Variants in ZFAND3 observed in about 807,000 individuals in gnomAD.
ZFAND3 encodes the protein zinc finger AN1-type containing 3, also known as AN1-type zinc finger protein 3.
ZFAND3 carries 10 observed loss-of-function variants against 29.6 expected under a neutral mutation model. The ratio of observed to expected loss-of-function variants is 0.34; its 90% confidence interval spans 0.21 to 0.57. ZFAND3 has a LOEUF of 0.57. Ranked by LOEUF, ZFAND3 falls within the 20% of genes least tolerant of loss-of-function variation. ZFAND3 has a pLI of 0.86. For missense variants in ZFAND3, 230 were observed against 304.5 expected (o/e 0.76, Z 1.82); for synonymous variants, 128 against 112.6 (o/e 1.14, Z -0.87).
In ZFAND3 at chr6:37,958,733, C is replaced by T. The variant is rs79287263; in HGVS notation, c.112+28734C>T. Among the ~76,000 whole-genome samples the T allele has an allele frequency of 5.3e-4, 81 of 151,936 alleles. No individual in the cohort carries two copies. In the East Asian group the frequency reaches 0.011, roughly 20 times the overall value. ...AAAACCTTGCTTGGCTTTTCAGGACCGCCCCCCCCTTCCCCACCCACCGAC... is the reference window on the plus strand; with the variant it reads ...AAAACCTTGCTTGGCTTTTCAGGACTGCCCCCCCCTTCCCCACCCACCGAC... On this transcript the variant is annotated intron_variant, in intron 2 of 5. Transcript: ENST00000287218.
chr6:37,897,157 A>C (rs1765235428), intron 1 of ZFAND3, among the ~76,000 whole-genome samples: 1 of 152,212 alleles, frequency 6.6e-6, no homozygotes, highest in Non-Finnish European at 1.5e-5. Context: ...AAGGTAAAGA[A>C]TATTTCCTTC....
At chr6:37,892,428 A>G (rs1765121872) in intron 1 of ZFAND3, among the ~76,000 whole-genome samples, 1 of 152,182 alleles carries the variant, frequency 6.6e-6, no homozygotes, top group South Asian at 2.1e-4. Flanking sequence ...AGATGCTCTT[A>G]AACATTTTTT....
intron 1 of ZFAND3, among the ~76,000 whole-genome samples, chr6:37,914,672 C>CTTTTTTTTTCTTT (rs1554157845): frequency 6.1e-5 from 7 of 114,210 alleles, no homozygotes; most frequent in East Asian, 2.4e-4. Flanking sequence ...CTTTTTTTTT[C>CTTTTTTTTTCTTT]TTTTTTTTTT....
intron 2 of ZFAND3, among the ~76,000 whole-genome samples, chr6:37,941,815 G>A (rs1279186288): frequency 1.3e-5 from 2 of 152,098 alleles, no homozygotes; most frequent in Non-Finnish European, 2.9e-5. Context: ...CATAATAATA[G>A]TATGGAAAAA....
chr6:38,014,903 A>C (rs1763227797), intron 2 of ZFAND3, among the ~76,000 whole-genome samples: 1 of 152,202 alleles, frequency 6.6e-6, no homozygotes, highest in South Asian at 2.1e-4. Context: ...TGTTTCCATT[A>C]AGATGCTTAA....
rs370275413 is a variant in ZFAND3 at position 37,857,679 on chromosome 6, T to G, written c.71+37663T>G. 7.2e-5 allele frequency among the ~76,000 whole-genome samples: 11 copies of G among 152,318 alleles called. No individual in the cohort carries two copies. The East Asian group carries it at 2.1e-3, about 29-fold the overall frequency. On this transcript the variant is annotated intron_variant, in intron 1 of 5. Transcript: ENST00000287218. ...GGCGACTTGTCGAGCAGCTTGAGAT[T>G]ATTATGGATTTTTACAGTAAGAGAA...
chr6:38,034,305 A>G (rs75995389), intron 2 of ZFAND3, among the ~76,000 whole-genome samples: 40 of 152,260 alleles, frequency 2.6e-4, no homozygotes, highest in African/African-American at 9.6e-4. Context: ...ATGCAAGAAA[A>G]TAATGCAGAA....
chr6:38,046,505 A>T (rs540247702), intron 2 of ZFAND3, among the ~76,000 whole-genome samples: 1 of 152,346 alleles, frequency 6.6e-6, no homozygotes, highest in East Asian at 1.9e-4. Context: ...GTCTTAAGTG[A>T]AATTTAGACA....
intron 1 of ZFAND3, among the ~76,000 whole-genome samples, chr6:37,901,405 A>G (rs11969988): frequency 0.22 from 33,184 of 152,062 alleles, 4,529 homozygotes; most frequent in African/African-American, 0.38. Context: ...ACTTGAACTG[A>G]AGTTCGAGAC....
intron 2 of ZFAND3, among the ~76,000 whole-genome samples, chr6:38,038,882 T>C (rs1239043153): frequency 6.6e-6 from 1 of 152,222 alleles, no homozygotes; most frequent in Non-Finnish European, 1.5e-5. Flanking sequence ...CAGAAGCTGT[T>C]GGATCCCATC....
chr6:37,869,573 G>C, intron 1 of ZFAND3, among the ~76,000 whole-genome samples: 1 of 150,302 alleles, frequency 6.7e-6, no homozygotes, highest in East Asian at 2.0e-4. Flanking sequence ...CAGTGATGTG[G>C]TCATAGCTCA....
At chr6:37,891,608 T>C (rs1210351053) in intron 1 of ZFAND3, among the ~76,000 whole-genome samples, 9 of 151,514 alleles carry the variant, frequency 5.9e-5, no homozygotes, top group Middle Eastern at 6.8e-3. Flanking sequence ...AATAAATAAA[T>C]AAATCATAGA....
intron 4 of ZFAND3, among the ~76,000 whole-genome samples, chr6:38,113,897 C>T (rs186664514): frequency 1.4e-4 from 21 of 152,188 alleles, no homozygotes; most frequent in African/African-American, 4.6e-4. Context: ...GCATGTTTGA[C>T]GGTTTGGGAT....
At chr6:38,130,517 A>G (rs948478922) in intron 5 of ZFAND3, among the ~76,000 whole-genome samples, 4 of 152,256 alleles carry the variant, frequency 2.6e-5, no homozygotes, top group African/African-American at 9.6e-5. Context: ...AGTTTTAATC[A>G]TAAAGTGATG....
intron 5 of ZFAND3, among the ~76,000 whole-genome samples, chr6:38,148,525 T>C (rs1278417558): frequency 6.6e-6 from 1 of 152,192 alleles, no homozygotes; most frequent in East Asian, 1.9e-4. Context: ...ATAAATCCTC[T>C]GTGTTTTAAA....
chr6:37,946,378 G>A (rs995661468), intron 2 of ZFAND3, among the ~76,000 whole-genome samples: 1 of 152,194 alleles, frequency 6.6e-6, no homozygotes, highest in Non-Finnish European at 1.5e-5. Flanking sequence ...GGAAAACACA[G>A]ACCTAGTTTA....
intron 2 of ZFAND3, among the ~76,000 whole-genome samples, chr6:37,954,435 C>T (rs1388727440): frequency 1.3e-5 from 2 of 152,280 alleles, no homozygotes; most frequent in East Asian, 1.9e-4. Context: ...TAATCATCTG[C>T]AATTTCTAAT....
intron 1 of ZFAND3, among the ~76,000 whole-genome samples, chr6:37,820,880 TC>T (rs761112034): frequency 2.0e-5 from 3 of 152,196 alleles, no homozygotes; most frequent in Non-Finnish European, 4.4e-5. Context: ...CTGTTTAAAT[TC>T]TCCTGGTAAC....
At chr6:38,143,755 A>G (rs1766011041) in intron 5 of ZFAND3, among the ~76,000 whole-genome samples, 1 of 151,562 alleles carries the variant, frequency 6.6e-6, no homozygotes, top group African/African-American at 2.4e-5. Flanking sequence ...TTCTCTTCTC[A>G]GCCCAGCAGA....
Sources: allele counts gnomAD v4.1 joint callset (sites outside exome capture counted in the v4.1 genomes callset), GRCh38; gene constraint gnomAD v4.1.1; transcripts MANE v1.5; gene names NCBI Gene and HGNC (gene_info 2026-07-23, HGNC 2026-07-21).